Variants in PCSK5 observed in about 807,000 individuals in gnomAD.
PCSK5 encodes the protein prohormone convertase 5.
In PCSK5, 129 loss-of-function variants were observed where a neutral mutation model predicts 233.2. The observed-to-expected ratio is 0.55, with a 90% confidence interval of 0.48 to 0.64. PCSK5 has a LOEUF of 0.64. Ranked by LOEUF, PCSK5 falls within the 30% of genes least tolerant of loss-of-function variation. PCSK5 has a pLI of 0.00. For synonymous variants in PCSK5, 825 were observed against 879.2 expected (o/e 0.94, Z 1.09); for missense variants, 2,076 against 2,430.1 (o/e 0.85, Z 3.06).
At chr9:76,203,766 T>C (rs1284628397) in intron 20 of PCSK5, among the ~76,000 whole-genome samples, 2 of 152,136 alleles carry the variant, frequency 1.3e-5, no homozygotes, top group East Asian at 3.9e-4. Context: ...ACTAGCACAA[T>C]GAGAACACAC....
chr9:75,918,630 A>C (rs1823110734), intron 1 of PCSK5, among the ~76,000 whole-genome samples: 1 of 152,204 alleles, frequency 6.6e-6, no homozygotes, highest in African/African-American at 2.4e-5. Flanking sequence ...AAATGACTCC[A>C]TCATGTAGCA....
intron 2 of PCSK5, among the ~76,000 whole-genome samples, chr9:75,937,856 A>G (rs1285415689): frequency 6.6e-6 from 1 of 152,184 alleles, no homozygotes; most frequent in Non-Finnish European, 1.5e-5. Context: ...CTAGCTTCAT[A>G]CTTTTCTTCT....
chr9:76,155,357 AT>A (rs1211165465), intron 10 of PCSK5, among the ~76,000 whole-genome samples: 1 of 152,100 alleles, frequency 6.6e-6, no homozygotes, highest in Non-Finnish European at 1.5e-5. Flanking sequence ...TAAGGCAGTA[AT>A]TTTTTCAACC....
At chr9:75,938,435 T>G (rs7039473) in intron 2 of PCSK5, among the ~76,000 whole-genome samples, 75,435 of 151,946 alleles carry the variant, frequency 0.5, 19,022 homozygotes, top group Middle Eastern at 0.55. Context: ...TCAAAGATCA[T>G]TGATCACAGA....
intron 24 of PCSK5, among the ~76,000 whole-genome samples, chr9:76,255,252 A>C (rs1011611013): frequency 1.3e-5 from 2 of 152,118 alleles, no homozygotes; most frequent in Non-Finnish European, 2.9e-5. Flanking sequence ...ATGCCACTGC[A>C]CTCCAGCCTG....
intron 22 of PCSK5, among the ~76,000 whole-genome samples, chr9:76,237,680 GC>G (rs956764176): frequency 9.9e-5 from 15 of 152,100 alleles, no homozygotes; most frequent in African/African-American, 3.1e-4. Context: ...AAAGGCTGAG[GC>G]GGGAGGATCA....
chr9:76,082,211 A>G lies in PCSK5; in HGVS notation c.894+10313A>G, dbSNP rs988878510. ...TTAAAAGTTTCTCTCATTCAGACTT[A>G]CACAGTTTCATTTACCATGGTGAGC... is the stretch of plus-strand genomic sequence containing the variant. On this transcript the variant is annotated intron_variant, in intron 7 of 37. Transcript: ENST00000674117. 9.8e-5 allele frequency among the ~76,000 whole-genome samples: 15 copies of G among 152,326 alleles called. 1 individual carries two copies. In the East Asian group the frequency reaches 2.5e-3, roughly 25 times the overall value.
At chr9:76,239,808 A>G (rs542004224) in intron 23 of PCSK5, among the ~76,000 whole-genome samples, 1 of 152,232 alleles carries the variant, frequency 6.6e-6, no homozygotes, top group East Asian at 1.9e-4. Flanking sequence ...TTCGAATCCA[A>G]AAGTCTGGGT....
intron 25 of PCSK5, among the ~76,000 whole-genome samples, chr9:76,294,606 C>G (rs1828379722): frequency 2.0e-5 from 3 of 152,056 alleles, no homozygotes; most frequent in Non-Finnish European, 4.4e-5. Context: ...TAACCCTGAG[C>G]TCCAGTTCCC....
rs147172106 is a variant in PCSK5 at position 75,902,714 on chromosome 9, A to G, written c.192+11341A>G. On this transcript the variant is annotated intron_variant, in intron 1 of 37. Transcript: ENST00000674117. The stretch of plus-strand genomic sequence containing the variant: ...AGGATTCCAAGCAATTTGTGCTGAT[A>G]TGTCCACTGGGCAGATAAACATGAA... Among the ~76,000 whole-genome samples, 101 of 152,336 alleles carry G rather than the reference A, an allele frequency of 6.6e-4. 1 individual carries two copies. The highest frequency in any genetic ancestry group is 2.2e-3 in the African/African-American group (92 of 41,564).
chr9:76,288,605 AG>A (rs1424358491), intron 24 of PCSK5, among the ~76,000 whole-genome samples: 2 of 152,176 alleles, frequency 1.3e-5, no homozygotes, highest in Non-Finnish European at 2.9e-5. Context: ...CAGCATGGCC[AG>A]GGCAGCCAGT....
At chr9:76,095,272 T>C (rs904519278) in intron 7 of PCSK5, among the ~76,000 whole-genome samples, 1 of 152,340 alleles carries the variant, frequency 6.6e-6, no homozygotes, top group African/African-American at 2.4e-5. Context: ...TTGCTTCTGA[T>C]GCTCACCAAC....
At position 76,270,559 on chromosome 9, in the gene PCSK5, C is replaced by A. The variant is rs1827482275; in HGVS notation, c.3143-21674C>A. On this transcript the variant is annotated intron_variant, in intron 24 of 37. Transcript: ENST00000674117. ...AGGCAAGGTCTTGAAATAAAAACTGCAGTGATTAAATATCCTGGGGACCCC... is the reference window on the plus strand; with the variant it reads ...AGGCAAGGTCTTGAAATAAAAACTGAAGTGATTAAATATCCTGGGGACCCC... 1.3e-5 allele frequency among the ~76,000 whole-genome samples: 2 copies of A among 152,162 alleles called. 1 individual carries two copies. The highest frequency in any genetic ancestry group is 4.1e-4 in the South Asian group (2 of 4,830).
At chr9:76,064,992 T>A (rs1221020696) in intron 5 of PCSK5, among the ~76,000 whole-genome samples, 1 of 152,250 alleles carries the variant, frequency 6.6e-6, no homozygotes, top group Non-Finnish European at 1.5e-5. Flanking sequence ...TGGCCAGGAT[T>A]TCATTCTGTT....
rs564526502 is a variant in PCSK5 at position 76,355,122 on chromosome 9, C to T, written c.5254+903C>T. Among the ~76,000 whole-genome samples, 21 of 152,274 alleles carry T rather than the reference C, an allele frequency of 1.4e-4. No homozygotes were observed. In the East Asian group the frequency reaches 4.1e-3, roughly 29 times the overall value. On this transcript the variant is annotated intron_variant, in intron 37 of 37. Transcript: ENST00000674117. Reference sequence around the variant, plus strand: ...ACGTCTAACCCCATCCATGTGGGTACTTGGTTCTCATTGGTCACAAACTTA... The same window carrying T: ...ACGTCTAACCCCATCCATGTGGGTATTTGGTTCTCATTGGTCACAAACTTA...
chr9:76,342,928 A>G (rs755236289), intron 35 of PCSK5, among the ~76,000 whole-genome samples: 1 of 151,824 alleles, frequency 6.6e-6, no homozygotes, highest in Non-Finnish European at 1.5e-5. Flanking sequence ...CCCCTTAAAT[A>G]TCTCCTAATT....
chr9:75,902,041 C>T lies in PCSK5; in HGVS notation c.192+10668C>T, dbSNP rs573782335. ...GACCAGCCTGGCCAACATGGCAAAACCCCATCTCTACTAAAAATACAAAAA... is the reference window on the plus strand; with the variant it reads ...GACCAGCCTGGCCAACATGGCAAAATCCCATCTCTACTAAAAATACAAAAA... On this transcript the variant is annotated intron_variant, in intron 1 of 37. Transcript: ENST00000674117. 6.1e-4 allele frequency among the ~76,000 whole-genome samples: 92 copies of T among 151,828 alleles called. 1 individual carries two copies. Among genetic ancestry groups the T allele is most frequent in the African/African-American group, 2.1e-3 (85 of 41,386 alleles).
At chr9:76,194,601 G>T in intron 20 of PCSK5, 1 of 326,536 alleles carries the variant, frequency 3.1e-6, no homozygotes, top group Non-Finnish European at 6.0e-6. Context: ...CTGTTTTTTG[G>T]GGTTTTTTTT....
At chr9:75,897,489 CTT>C (rs58504698) in intron 1 of PCSK5, among the ~76,000 whole-genome samples, 8 of 119,600 alleles carry the variant, frequency 6.7e-5, no homozygotes, top group African/African-American at 9.8e-5. Context: ...TCTTTCTTTT[CTT>C]TTTTTTTTTT....
Sources: allele counts gnomAD v4.1 joint callset (sites outside exome capture counted in the v4.1 genomes callset), GRCh38; gene constraint gnomAD v4.1.1; transcripts MANE v1.5; gene names NCBI Gene and HGNC (gene_info 2026-07-23, HGNC 2026-07-21).